Variants in RBM19 observed in about 807,000 individuals in gnomAD.
The protein encoded by RBM19 is RNA binding motif protein 19.
RBM19 carries 94 observed loss-of-function variants against 116.8 expected under a neutral mutation model. The ratio of observed to expected loss-of-function variants is 0.80; its 90% CI spans 0.68 to 0.95. The LOEUF is 0.95. Among genes scored for constraint, RBM19 ranks in the 40% least tolerant of loss-of-function variants. RBM19 has a pLI of 0.00. For synonymous variants in RBM19, 475 were observed against 494.1 expected (o/e 0.96, Z 0.51); for missense variants, 1,161 against 1,220.7 (o/e 0.95, Z 0.73).
At chr12:113,854,937 C>T (rs554251700) in intron 22 of RBM19, among the ~76,000 whole-genome samples, 137 of 152,326 alleles carry the variant, frequency 9.0e-4, no homozygotes, top group Non-Finnish European at 1.5e-3. Context: ...AGCGCGCTCG[C>T]GGGAGCCTCT....
chr12:113,947,267 C>T, intron 11 of RBM19, 67 bp downstream of exon 11: 1 of 1,521,348 alleles, frequency 6.6e-7, no homozygotes. Context: ...TACACACACA[C>T]ACACACCAGC....
At chr12:113,963,843 C>T (rs1414527430) in intron 1 of RBM19, among the ~76,000 whole-genome samples, 3 of 152,244 alleles carry the variant, frequency 2.0e-5, no homozygotes, top group African/African-American at 7.2e-5. Context: ...AAATTTCTCA[C>T]AGCCTTCTCA....
At chr12:113,821,695 C>T (rs908660623), downstream of RBM19, among the ~76,000 whole-genome samples, 16 of 152,116 alleles carry the variant, frequency 1.1e-4, no homozygotes, top group Non-Finnish European at 1.6e-4. Context: ...GGTGGGAGGA[C>T]CACTTGAGGC....
chr12:113,942,352 T>A lies in RBM19; in HGVS notation c.1709A>T (p.Asn570Ile), dbSNP rs760246805. The A allele has an allele frequency of 1.6e-5, 25 of 1,606,928 alleles. No homozygotes were observed. In the South Asian group the frequency reaches 2.7e-4, roughly 18 times the overall value. Residue 570 changes from asparagine (N) to isoleucine (I), a missense_variant, in exon 14 of 24, where the codon AAC (asparagine) becomes ATC (isoleucine). Physicochemically the swap from Asn to Ile is moderately radical, Grantham distance 149 (BLOSUM62 -3). Coordinates refer to ENST00000261741, the MANE Select transcript of RBM19 (RefSeq NM_016196.4). Reference sequence around the variant, plus strand: ...GCTGAAGGAATCCAGGCTGACCCCGTTGTCTATGAGAAAACGCCGCACTTC... The same window carrying A: ...GCTGAAGGAATCCAGGCTGACCCCGATGTCTATGAGAAAACGCCGCACTTC... ...VQEVRRFLID[N>I]GVSLDSFSQA...
intron 23 of RBM19, among the ~76,000 whole-genome samples, chr12:113,831,474 C>T (rs1041991264): frequency 3.9e-4 from 59 of 152,170 alleles, no homozygotes; most frequent in Non-Finnish European, 8.8e-5. Context: ...CTGTGGTCCC[C>T]AAGTCCCCAA....
intron 23 of RBM19, among the ~76,000 whole-genome samples, chr12:113,835,976 T>C (rs1056660116): frequency 6.6e-6 from 1 of 152,170 alleles, no homozygotes; most frequent in African/African-American, 2.4e-5. Context: ...TTATATTCTC[T>C]CGGCTGCGCT....
At chr12:113,946,675 T>C (rs1871050870) in intron 11 of RBM19, among the ~76,000 whole-genome samples, 200 bp from the exon 12 acceptor site, 1 of 152,146 alleles carries the variant, frequency 6.6e-6, no homozygotes, top group African/African-American at 2.4e-5. Context: ...GGGGGCCACC[T>C]GACACAGCTA....
At chr12:113,925,025 C>T (rs113362945) in intron 17 of RBM19, among the ~76,000 whole-genome samples, 4,469 of 152,286 alleles carry the variant, frequency 0.029, 96 homozygotes, top group Middle Eastern at 0.041. Context: ...ATCATGCAAT[C>T]GGGAAGCTGG....
At chr12:113,926,418 T>A (rs903571082) in intron 17 of RBM19, among the ~76,000 whole-genome samples, 4 of 152,134 alleles carry the variant, frequency 2.6e-5, no homozygotes, top group Admixed American at 2.6e-4. Flanking sequence ...GCCCAGACTC[T>A]AGAAATAAAC....
intron 1 of RBM19, among the ~76,000 whole-genome samples, chr12:113,963,257 AT>A (rs1169073428): frequency 2.0e-5 from 3 of 152,170 alleles, no homozygotes; most frequent in Non-Finnish European, 4.4e-5. Flanking sequence ...CTAACACACT[AT>A]TATTATAATT....
At chr12:113,946,644 C>T (rs1421389316) in intron 11 of RBM19, among the ~76,000 whole-genome samples, 169 bp from the exon 12 acceptor site, 3 of 152,158 alleles carry the variant, frequency 2.0e-5, no homozygotes, top group Non-Finnish European at 4.4e-5. Flanking sequence ...TCCCACCTGA[C>T]ACAGGATCCT....
At chr12:113,955,732 A>T (rs1215356429) in intron 6 of RBM19, among the ~76,000 whole-genome samples, 1 of 152,232 alleles carries the variant, frequency 6.6e-6, no homozygotes, top group African/African-American at 2.4e-5. Flanking sequence ...ACTTGAATGC[A>T]CTTCCCAGCA....
chr12:113,915,314 C>A (rs1397712023), intron 20 of RBM19, among the ~76,000 whole-genome samples: 1 of 152,114 alleles, frequency 6.6e-6, no homozygotes, highest in Non-Finnish European at 1.5e-5. Context: ...GGCTGCTGAC[C>A]TTCATTTGAG....
At chr12:113,874,604 T>TA (rs1225380649) in intron 21 of RBM19, among the ~76,000 whole-genome samples, 1 of 152,220 alleles carries the variant, frequency 6.6e-6, no homozygotes, top group Non-Finnish European at 1.5e-5. Flanking sequence ...AGTAACCAGC[T>TA]TCAGCCCTTG....
At chr12:113,930,937 C>T (rs1416522057) in intron 16 of RBM19, among the ~76,000 whole-genome samples, 2 of 152,150 alleles carry the variant, frequency 1.3e-5, no homozygotes, top group Non-Finnish European at 2.9e-5. Flanking sequence ...GCTGTCTCTG[C>T]ACCCTTACCT....
intron 21 of RBM19, among the ~76,000 whole-genome samples, chr12:113,865,562 T>C (rs1012709874): frequency 6.6e-5 from 10 of 152,228 alleles, no homozygotes; most frequent in Admixed American, 5.9e-4. Context: ...TATCCATTCA[T>C]TTAATCATGA....
chr12:113,950,208 G>T (rs1353284716), intron 8 of RBM19, 54 bp from the exon 9 acceptor site: 14 of 1,439,816 alleles, frequency 9.7e-6, no homozygotes, highest in Non-Finnish European at 1.3e-5. Flanking sequence ...GACACTTGTG[G>T]TGGTCCCCAG....
At chr12:113,869,619 G>C (rs972152971) in intron 21 of RBM19, among the ~76,000 whole-genome samples, 1 of 152,152 alleles carries the variant, frequency 6.6e-6, no homozygotes, top group African/African-American at 2.4e-5. Context: ...ACTAAAATGT[G>C]GCCAGCCAGA....
chr12:113,942,235 A>G (rs1870633734), intron 14 of RBM19, 89 bp downstream of exon 14: 1 of 1,106,330 alleles, frequency 9.0e-7, no homozygotes, highest in Admixed American at 2.3e-5. Context: ...AGAAGGCCAG[A>G]TCCTTAAATC....
Sources: allele counts gnomAD v4.1 joint callset (sites outside exome capture counted in the v4.1 genomes callset), GRCh38; gene constraint gnomAD v4.1.1; transcripts MANE v1.5; gene names NCBI Gene and HGNC (gene_info 2026-07-23, HGNC 2026-07-21).